CNTNAP2: variants seen among roughly 807,000 people sequenced by gnomAD.
CNTNAP2 encodes contactin-associated protein-like 2.
A neutral mutation model predicts 155.2 loss-of-function variants in CNTNAP2; 98 were observed. That is an observed-to-expected ratio of 0.63 (90% CI 0.54 to 0.75). CNTNAP2 has a LOEUF of 0.75. Among genes scored for constraint, CNTNAP2 ranks in the 30% least tolerant of loss-of-function variants. The pLI is 0.00. For missense variants in CNTNAP2, 1,727 were observed against 1,688.1 expected (o/e 1.02, Z -0.40); for synonymous variants, 651 against 631.2 (o/e 1.03, Z -0.47).
intron 3 of CNTNAP2, among the ~76,000 whole-genome samples, chr7:147,040,136 GA>G (rs1382674237): frequency 2.0e-5 from 3 of 152,058 alleles, no homozygotes; most frequent in African/African-American, 4.8e-5. Flanking sequence ...TAAAAAGTGG[GA>G]AAAGGATATG....
chr7:147,101,285 T>C (rs932729455), intron 4 of CNTNAP2, among the ~76,000 whole-genome samples: 3 of 152,180 alleles, frequency 2.0e-5, no homozygotes, highest in Admixed American at 1.3e-4. Flanking sequence ...TTCTGTGTGA[T>C]GGTTTTAAGA....
At chr7:147,724,128 C>T (rs955308657) in intron 13 of CNTNAP2, among the ~76,000 whole-genome samples, 11 of 151,960 alleles carry the variant, frequency 7.2e-5, no homozygotes, top group African/African-American at 2.7e-4. Context: ...ATACCACAGT[C>T]TTAGAAATCA....
At chr7:147,401,442 G>T (rs1796910353) in intron 10 of CNTNAP2, among the ~76,000 whole-genome samples, 1 of 151,860 alleles carries the variant, frequency 6.6e-6, no homozygotes, top group Admixed American at 6.6e-5. Flanking sequence ...TATCCAGTTT[G>T]ATTTTTTTCT....
chr7:146,741,270 A>G (rs1446674916), intron 1 of CNTNAP2, among the ~76,000 whole-genome samples: 1 of 152,094 alleles, frequency 6.6e-6, no homozygotes, highest in Non-Finnish European at 1.5e-5. Flanking sequence ...ATTTTTGTGC[A>G]TAGATAGCTG....
intron 14 of CNTNAP2, among the ~76,000 whole-genome samples, chr7:147,973,642 A>G (rs1801375448): frequency 6.6e-6 from 1 of 152,264 alleles, no homozygotes; most frequent in African/African-American, 2.4e-5. Context: ...TCAATATTTC[A>G]GCCTAGCTAA....
At chr7:148,222,408 G>T (rs1246046097) in intron 19 of CNTNAP2, among the ~76,000 whole-genome samples, 2 of 152,156 alleles carry the variant, frequency 1.3e-5, no homozygotes, top group African/African-American at 2.4e-5. Context: ...AGGTTAAGCT[G>T]CCAGCTCAGG....
chr7:146,749,349 A>C (rs1156237450), intron 1 of CNTNAP2, among the ~76,000 whole-genome samples: 1 of 152,178 alleles, frequency 6.6e-6, no homozygotes, highest in East Asian at 1.9e-4. Context: ...AGTGAAACAA[A>C]TTGCCAAAGA....
At chr7:146,371,174 C>T (rs1006943390) in intron 1 of CNTNAP2, among the ~76,000 whole-genome samples, 5 of 151,688 alleles carry the variant, frequency 3.3e-5, no homozygotes, top group African/African-American at 1.2e-4. Flanking sequence ...TCTGCTATTT[C>T]ATCTTTTTTG....
intron 20 of CNTNAP2, among the ~76,000 whole-genome samples, chr7:148,244,547 T>TTG (rs1796220276): frequency 6.7e-6 from 1 of 148,544 alleles, no homozygotes; most frequent in Non-Finnish European, 1.5e-5. Flanking sequence ...TTTGGGGGTT[T>TTG]TGTGTGTGTG....
chr7:146,901,734 A>G (rs1219340591), intron 3 of CNTNAP2, among the ~76,000 whole-genome samples: 2 of 152,176 alleles, frequency 1.3e-5, no homozygotes, highest in Non-Finnish European at 2.9e-5. Flanking sequence ...ATGGCTGGGG[A>G]AATATCAGGA....
At chr7:147,219,517 T>C (rs1401761369) in intron 8 of CNTNAP2, among the ~76,000 whole-genome samples, 1 of 152,164 alleles carries the variant, frequency 6.6e-6, no homozygotes, top group African/African-American at 2.4e-5. Flanking sequence ...TAAGCACACC[T>C]CTTCATTCCA....
chr7:147,149,310 C>T (rs937045840), intron 8 of CNTNAP2, among the ~76,000 whole-genome samples: 1 of 151,974 alleles, frequency 6.6e-6, no homozygotes, highest in Non-Finnish European at 1.5e-5. Context: ...TTTTACAGAG[C>T]GCTGATTGGT....
chr7:146,500,271 G>A (rs1797281834), intron 1 of CNTNAP2, among the ~76,000 whole-genome samples: 1 of 152,134 alleles, frequency 6.6e-6, no homozygotes, highest in Admixed American at 6.5e-5. Context: ...AGCACAGAAA[G>A]CCAATTACTG....
intron 3 of CNTNAP2, among the ~76,000 whole-genome samples, chr7:147,003,054 A>C (rs948163667): frequency 1.3e-5 from 2 of 151,952 alleles, no homozygotes; most frequent in Non-Finnish European, 2.9e-5. Flanking sequence ...CATTATGAGG[A>C]AGAGAAGTCC....
chr7:147,480,374 C>T (rs1798399972), intron 10 of CNTNAP2, among the ~76,000 whole-genome samples: 1 of 152,104 alleles, frequency 6.6e-6, no homozygotes, highest in Admixed American at 6.6e-5. Flanking sequence ...GTAAAGTTGG[C>T]ATTAGTCTAA....
chr7:147,492,836 A>G (rs1798633661), intron 11 of CNTNAP2, among the ~76,000 whole-genome samples: 1 of 152,172 alleles, frequency 6.6e-6, no homozygotes, highest in African/African-American at 2.4e-5. Context: ...TTCAGATTTA[A>G]TCACTTTCCT....
At chr7:148,084,771 A>G (rs1023529988) in intron 15 of CNTNAP2, among the ~76,000 whole-genome samples, 4 of 152,170 alleles carry the variant, frequency 2.6e-5, no homozygotes, top group Middle Eastern at 6.3e-3. Flanking sequence ...TCTTATTATG[A>G]TCAAAATAAT....
chr7:146,845,505 C>T (rs1562970894), intron 3 of CNTNAP2, among the ~76,000 whole-genome samples: 2 of 152,262 alleles, frequency 1.3e-5, no homozygotes, highest in Admixed American at 6.5e-5. Flanking sequence ...AGATTAGAAA[C>T]ATGTGTGTCA....
At chr7:148,053,974 T>TA (rs1228934098) in intron 15 of CNTNAP2, among the ~76,000 whole-genome samples, 3 of 149,362 alleles carry the variant, frequency 2.0e-5, no homozygotes, top group African/African-American at 7.4e-5. Flanking sequence ...TCCACTTCTT[T>TA]TTTTTTTTTT....
Sources: gnomAD v4.1 joint callset for allele counts (sites outside exome capture counted in the v4.1 genomes callset) on GRCh38, gnomAD v4.1.1 for gene constraint, MANE v1.5 for transcripts, NCBI Gene and HGNC (gene_info 2026-07-23, HGNC 2026-07-21) for gene names.